DAPK1: variants seen among roughly 807,000 people sequenced by gnomAD.
DAPK1 encodes the protein death associated protein kinase 1.
Under a neutral mutation model 144.9 loss-of-function variants are expected in DAPK1, and 56 were observed. That is an observed-to-expected ratio of 0.39 (90% CI 0.31 to 0.48). The LOEUF (loss-of-function observed/expected upper bound fraction) is 0.48, where lower values mean the gene tolerates loss of function less well. Ranked by LOEUF, DAPK1 falls within the 20% of genes least tolerant of loss-of-function variation. The probability of loss-of-function intolerance (pLI) is 0.95; values close to 1 mark genes in which losing one functional copy is unlikely to be tolerated. For synonymous variants in DAPK1, 690 were observed against 749.0 expected, an observed-to-expected ratio of 0.92 and a Z score of 1.29; for missense variants, 1,454 against 1,875.4, an observed-to-expected ratio of 0.78 and a Z score of 4.15.
intron 2 of DAPK1, among the ~76,000 whole-genome samples, chr9:87,591,930 G>T (rs562676705): frequency 5.2e-4 from 79 of 152,338 alleles, no homozygotes; most frequent in African/African-American, 1.8e-3. Context: ...CCCTGGAGTA[G>T]AAAGTCTAAA....
Position 87,697,162 on chromosome 9 carries a change from C to A in DAPK1, c.2569C>A (p.Leu857Ile). The A allele has an allele frequency of 6.3e-7, 1 of 1,587,260 alleles. No homozygotes were observed. The highest frequency in any genetic ancestry group is 8.7e-7 in the Non-Finnish European group (1 of 1,155,524). The change falls in exon 22 of 26, where the codon CTC (leucine) becomes ATC (isoleucine). Residue 857 changes from leucine to isoleucine, a missense_variant. By Grantham distance (5) the Leu-to-Ile change is conservative. Around this residue, in one of 2 missense-constraint regions of DAPK1, gnomAD observed 1,025 missense variants for 1,237.9 expected, o/e 0.83. Transcript: ENST00000408954. ...CCAGCTGAACCAAGTGATTTTCTGG[C>A]TCAGTTTCCTGAAGTCCCTTGTCCC... ...EIQLNQVIFWLSFLKSLVPVE... is the reference protein window; with the variant it reads ...EIQLNQVIFWISFLKSLVPVE...
chr9:87,589,055 AT>A (rs35875159), intron 2 of DAPK1, among the ~76,000 whole-genome samples: 52,901 of 101,228 alleles, frequency 0.52, 12,722 homozygotes, highest in Middle Eastern at 0.65. Context: ...CGCCCGGCTA[AT>A]TTTTTTTTTT....
intron 20 of DAPK1, among the ~76,000 whole-genome samples, chr9:87,683,875 A>G (rs1824734278): frequency 6.6e-6 from 1 of 152,168 alleles, no homozygotes; most frequent in African/African-American, 2.4e-5. Context: ...GGGTCTGGGG[A>G]GGAGGCAGCT....
At chr9:87,611,179 A>C (rs1828911770) in intron 3 of DAPK1, among the ~76,000 whole-genome samples, 2 of 152,200 alleles carry the variant, frequency 1.3e-5, no homozygotes, top group Non-Finnish European at 2.9e-5. Flanking sequence ...TTTTTAAAAA[A>C]TATACAGTTT....
chr9:87,679,101 C>G (rs1824508719), intron 19 of DAPK1, among the ~76,000 whole-genome samples: 3 of 114,890 alleles, frequency 2.6e-5, no homozygotes, highest in Non-Finnish European at 3.9e-5. Context: ...TGGAGGTGCC[C>G]TTGCGTGGGT....
chr9:87,657,831 T>G (rs1048693663), intron 17 of DAPK1, 198 bp from the exon 18 acceptor site: 112 of 585,906 alleles, frequency 1.9e-4, no homozygotes, highest in Non-Finnish European at 2.9e-4. Context: ...TTGAAGCTCC[T>G]CTTTTAATTG....
At chr9:87,627,405 G>T (rs1829528896) in intron 3 of DAPK1, among the ~76,000 whole-genome samples, 1 of 152,236 alleles carries the variant, frequency 6.6e-6, no homozygotes, top group African/African-American at 2.4e-5. Context: ...TAGGTAGGCG[G>T]TGTTGCTTAT....
intron 2 of DAPK1, among the ~76,000 whole-genome samples, chr9:87,589,251 A>C (rs1170428366): frequency 6.6e-6 from 1 of 152,012 alleles, no homozygotes; most frequent in Non-Finnish European, 1.5e-5. Context: ...TAGAGACCAT[A>C]GTCCAGCCTC....
intron 3 of DAPK1, among the ~76,000 whole-genome samples, chr9:87,624,084 A>C (rs181395114): frequency 4.6e-5 from 7 of 152,246 alleles, no homozygotes; most frequent in Admixed American, 1.3e-4. Context: ...AAGTGGCAAC[A>C]GTCATTTGTT....
intron 18 of DAPK1, among the ~76,000 whole-genome samples, chr9:87,662,824 C>T (rs1294926240): frequency 6.6e-6 from 1 of 151,778 alleles, no homozygotes; most frequent in African/African-American, 2.4e-5. Context: ...TTCCTCTTGC[C>T]TAGTTGATCT....
At chr9:87,549,357 T>C (rs1053510773) in intron 2 of DAPK1, among the ~76,000 whole-genome samples, 1 of 152,208 alleles carries the variant, frequency 6.6e-6, no homozygotes, top group African/African-American at 2.4e-5. Flanking sequence ...GCATTTGGGT[T>C]GATTCCATGT....
At chr9:87,498,740 C>T in intron 1 of DAPK1, 1 of 429,206 alleles carries the variant, frequency 2.3e-6, no homozygotes, top group Non-Finnish European at 4.1e-6. Flanking sequence ...CGTTTGGGGA[C>T]GCCGACCTCG....
chr9:87,531,083 A>C (rs1201058984), intron 2 of DAPK1, among the ~76,000 whole-genome samples: 1 of 152,158 alleles, frequency 6.6e-6, no homozygotes, highest in Non-Finnish European at 1.5e-5. Context: ...CCTTCTCTGG[A>C]GTGAGAAGGG....
chr9:87,498,101 C>A lies in DAPK1; in HGVS notation c.-115C>A, dbSNP rs1183628396. 2 of 397,554 alleles carry A rather than the reference C, an allele frequency of 5.0e-6. No homozygotes were observed. The highest frequency in any genetic ancestry group is 4.1e-5 in the African/African-American group (2 of 48,612). The allele number at this position is 397,554 out of a possible 1,614,324, so 24.6% of individuals were successfully genotyped here. A position where few individuals can be genotyped will look rare whatever the true frequency, so the allele number is the denominator to read the frequency against. On this transcript the variant is annotated 5_prime_UTR_variant, in exon 1 of 26. Transcript: ENST00000408954. The stretch of plus-strand genomic sequence containing the variant: ...CGGAGGGACCGGGGGAGCTCCCAGG[C>A]GCCCGGGTGAGTAGCCAGGCGCGGC...
chr9:87,516,437 G>GC (rs1473311756), intron 2 of DAPK1, among the ~76,000 whole-genome samples: 1 of 152,088 alleles, frequency 6.6e-6, no homozygotes, highest in Non-Finnish European at 1.5e-5. Flanking sequence ...ATGAGTCATG[G>GC]CCCCGCAACT....
chr9:87,684,152 G>A (rs572309117), intron 20 of DAPK1, among the ~76,000 whole-genome samples: 2 of 152,264 alleles, frequency 1.3e-5, no homozygotes, highest in Admixed American at 1.3e-4. Context: ...ACAGGGCACC[G>A]CGAGGGCGGC....
chr9:87,696,900 A>G (rs1012319993), intron 21 of DAPK1, 107 bp from the exon 22 acceptor site: 8 of 752,860 alleles, frequency 1.1e-5, no homozygotes, highest in East Asian at 4.9e-5. Context: ...GAAGAATGCC[A>G]TAAGTATCAC....
At chr9:87,547,255 A>AATGATG (rs763097285) in intron 2 of DAPK1, among the ~76,000 whole-genome samples, 14 of 152,168 alleles carry the variant, frequency 9.2e-5, no homozygotes, top group African/African-American at 2.4e-4. Context: ...ATGTTGTATT[A>AATGATG]ATGATGATGA....
At chr9:87,664,886 G>C (rs535428150) in intron 18 of DAPK1, among the ~76,000 whole-genome samples, 1 of 152,052 alleles carries the variant, frequency 6.6e-6, no homozygotes, top group Admixed American at 6.6e-5. Context: ...GCCTCCTCCC[G>C]TCTCCCTCCA....
Sources: allele counts gnomAD v4.1 joint callset (sites outside exome capture counted in the v4.1 genomes callset), GRCh38; gene constraint gnomAD v4.1.1; regional missense constraint gnomAD v4.1.1; transcripts MANE v1.5; gene names NCBI Gene and HGNC (gene_info 2026-07-23, HGNC 2026-07-21).